The following ERC2 variants were observed in gnomAD, a reference collection of about 807,000 sequenced individuals.
ERC2 encodes ERC protein 2.
ERC2 carries 42 observed loss-of-function variants against 114.8 expected under a neutral mutation model. The ratio of observed to expected loss-of-function variants is 0.37; its 90% confidence interval spans 0.29 to 0.47. The LOEUF (loss-of-function observed/expected upper bound fraction) is 0.47, where lower values mean the gene tolerates loss of function less well. ERC2 is among the 20% of genes least tolerant of loss of function. ERC2 has a pLI of 0.99. For synonymous variants in ERC2, 454 were observed against 425.5 expected (o/e 1.07, Z -0.82); for missense variants, 939 against 1,150.7 (o/e 0.82, Z 2.66).
intron 2 of ERC2, among the ~76,000 whole-genome samples, chr3:56,340,830 A>T (rs1178767744): frequency 6.6e-6 from 1 of 152,186 alleles, no homozygotes; most frequent in Non-Finnish European, 1.5e-5. Flanking sequence ...TTCTCTCTAT[A>T]TGGTGCAAAA....
chr3:56,120,255 C>T (rs1037703330), intron 6 of ERC2, among the ~76,000 whole-genome samples: 4 of 152,122 alleles, frequency 2.6e-5, no homozygotes, highest in Admixed American at 6.5e-5. Flanking sequence ...GATTGGGCGC[C>T]GGCTCTCCAG....
At chr3:55,927,656 T>C (rs193114560) in intron 13 of ERC2, among the ~76,000 whole-genome samples, 85 of 152,314 alleles carry the variant, frequency 5.6e-4, no homozygotes, top group African/African-American at 1.9e-3. Flanking sequence ...TTGTTGACTC[T>C]AGTCATCCTG....
At chr3:56,171,448 T>C (rs1016926362) in intron 4 of ERC2, among the ~76,000 whole-genome samples, 2 of 152,174 alleles carry the variant, frequency 1.3e-5, no homozygotes, top group Admixed American at 1.3e-4. Flanking sequence ...ACAGAAAAAC[T>C]TGAGGATCCG....
At chr3:56,016,025 T>C (rs1476751880) in intron 8 of ERC2, among the ~76,000 whole-genome samples, 1 of 152,204 alleles carries the variant, frequency 6.6e-6, no homozygotes, top group Non-Finnish European at 1.5e-5. Flanking sequence ...TGTCTGTTCA[T>C]GTCTTTTGAC....
chr3:56,122,255 G>A (rs984417760), intron 6 of ERC2, among the ~76,000 whole-genome samples: 3 of 152,168 alleles, frequency 2.0e-5, no homozygotes, highest in South Asian at 2.1e-4. Flanking sequence ...ATTGTATTTC[G>A]TATCCCATAT....
intron 3 of ERC2, among the ~76,000 whole-genome samples, chr3:56,225,485 T>C (rs1231924221): frequency 2.0e-5 from 3 of 152,238 alleles, no homozygotes; most frequent in Admixed American, 1.3e-4. Flanking sequence ...GACTGCTTCT[T>C]ATTTACCAAT....
chr3:55,685,268 T>C (rs1257634784), intron 16 of ERC2, among the ~76,000 whole-genome samples: 2 of 152,214 alleles, frequency 1.3e-5, no homozygotes, highest in Non-Finnish European at 2.9e-5. Flanking sequence ...GTCAATGGAA[T>C]GATTTGCACA....
At chr3:56,212,387 A>G (rs2049120953) in intron 3 of ERC2, among the ~76,000 whole-genome samples, 1 of 152,220 alleles carries the variant, frequency 6.6e-6, no homozygotes, top group South Asian at 2.1e-4. Context: ...GGAAATGCAA[A>G]TCAAAACCGC....
intron 3 of ERC2, among the ~76,000 whole-genome samples, chr3:56,226,935 C>T (rs185057045): frequency 2.3e-4 from 35 of 152,266 alleles, no homozygotes; most frequent in South Asian, 1.2e-3. Flanking sequence ...CCCAAAACTG[C>T]CCCTTGTTTA....
At chr3:56,085,395 A>G (rs73072542) in intron 6 of ERC2, among the ~76,000 whole-genome samples, 20,317 of 152,128 alleles carry the variant, frequency 0.13, 1,453 homozygotes, top group East Asian at 0.16. Context: ...TACAAGAGAG[A>G]GTGGACATTC....
intron 10 of ERC2, among the ~76,000 whole-genome samples, chr3:56,005,350 G>C (rs952649847): frequency 6.6e-6 from 1 of 151,998 alleles, no homozygotes; most frequent in Non-Finnish European, 1.5e-5. Flanking sequence ...GTGAATTTCA[G>C]TGTGTGGTGT....
In ERC2 at chr3:56,286,463, G is replaced by A. The variant is rs1172579712; in HGVS notation, c.1074+9556C>T. Among the ~76,000 whole-genome samples, 6 of 141,100 alleles carry A rather than the reference G, an allele frequency of 4.3e-5. No homozygotes were observed. The South Asian group carries it at 1.4e-3, about 34-fold the overall frequency. 92.6% of individuals were successfully genotyped at this position (141,100 alleles called of 152,430 possible). ...AAGGCAGAAAAAAATACCGTTTCCT[G>A]ATTTAAAAACCAACCTCAAAAGCTA... On this transcript the variant is annotated intron_variant, in intron 3 of 17. Coordinates refer to ENST00000288221, the MANE Select transcript of ERC2 (RefSeq NM_015576.3).
intron 7 of ERC2, among the ~76,000 whole-genome samples, chr3:56,034,440 C>T (rs1002515438): frequency 6.6e-6 from 1 of 152,048 alleles, no homozygotes; most frequent in Non-Finnish European, 1.5e-5. Context: ...GACAGAAAAA[C>T]AATCAAGAAA....
At chr3:55,708,528 T>C (rs767679846) in intron 15 of ERC2, among the ~76,000 whole-genome samples, 1 of 152,232 alleles carries the variant, frequency 6.6e-6, no homozygotes, top group Non-Finnish European at 1.5e-5. Flanking sequence ...TGTAACAGTA[T>C]GCAGAGCATG....
intron 14 of ERC2, among the ~76,000 whole-genome samples, chr3:55,759,462 TAA>T (rs540204065): frequency 1.2e-3 from 43 of 36,024 alleles, no homozygotes; most frequent in African/African-American, 1.3e-3. Context: ...TCTCTTTCAT[TAA>T]AAAAAAAAAA....
At chr3:55,950,332 A>G (rs1576326549) in intron 13 of ERC2, 93 bp downstream of exon 13, 1 of 1,494,594 alleles carries the variant, frequency 6.7e-7, no homozygotes, top group Non-Finnish European at 9.1e-7. Flanking sequence ...AAAGTCCACC[A>G]TTTCTGTGCA....
intron 7 of ERC2, among the ~76,000 whole-genome samples, chr3:56,075,968 C>T (rs2076950567): frequency 6.6e-6 from 1 of 151,992 alleles, no homozygotes; most frequent in Admixed American, 6.6e-5. Flanking sequence ...CCACAGTGTC[C>T]TTACCCCTGA....
intron 5 of ERC2, among the ~76,000 whole-genome samples, chr3:56,145,301 A>C (rs1162197441): frequency 1.3e-5 from 2 of 152,208 alleles, no homozygotes; most frequent in Admixed American, 1.3e-4. Context: ...TTTGGCAAAC[A>C]CTGGAAACAG....
At chr3:56,371,793 C>A (rs1204488644) in intron 2 of ERC2, among the ~76,000 whole-genome samples, 2 of 152,256 alleles carry the variant, frequency 1.3e-5, no homozygotes, top group African/African-American at 2.4e-5. Flanking sequence ...CAGGGCATAG[C>A]CACAAATGGG....
Sources: allele counts gnomAD v4.1 joint callset (sites outside exome capture counted in the v4.1 genomes callset), GRCh38; gene constraint gnomAD v4.1.1; transcripts MANE v1.5; gene names NCBI Gene and HGNC (gene_info 2026-07-23, HGNC 2026-07-21).